Variants in ITGB3BP observed in about 807,000 individuals in gnomAD.
ITGB3BP encodes the protein centromere protein R.
Under a neutral mutation model 29.1 loss-of-function variants are expected in ITGB3BP, and 27 were observed. The ratio of observed to expected loss-of-function variants is 0.93; its 90% confidence interval spans 0.68 to 1.28. The LOEUF is 1.28. Ranked by LOEUF, ITGB3BP falls within the 50% of genes most tolerant of loss-of-function variation. The pLI is 0.00. For synonymous variants in ITGB3BP, 61 were observed against 61.4 expected, an observed-to-expected ratio of 0.99 and a Z score of 0.03; for missense variants, 192 against 200.2, an observed-to-expected ratio of 0.96 and a Z score of 0.25.
rs1290736593 is a variant in ITGB3BP, at chr1:63,454,993, C to A, written c.255-25G>T. On this transcript the variant is annotated intron_variant, in intron 4 of 8. Transcript: ENST00000271002. This position sits in a 1 kb window ranked among gnomAD's most constrained non-coding sequence, Gnocchi z 4.1. Reference sequence around the variant, plus strand: ...TCTAGTAATAAAGAAAAAGACAATACTTAGCAAGGGGAAGCATTTAAACAT... The same window carrying A: ...TCTAGTAATAAAGAAAAAGACAATAATTAGCAAGGGGAAGCATTTAAACAT... 1 of 1,150,560 alleles carries A rather than the reference C, an allele frequency of 8.7e-7. No individual in the cohort carries two copies. Among genetic ancestry groups the A allele is most frequent in the Non-Finnish European group, 1.3e-6 (1 of 763,162 alleles). 71.3% of individuals were successfully genotyped at this position (1,150,560 alleles called of 1,614,324 possible). A position where few individuals can be genotyped will look rare whatever the true frequency, so the allele number is the denominator to read the frequency against.
intron 4 of ITGB3BP, among the ~76,000 whole-genome samples, chr1:63,474,560 C>T (rs1289761041): frequency 6.0e-5 from 9 of 150,424 alleles, no homozygotes; most frequent in African/African-American, 1.9e-4. Flanking sequence ...AAGAAAAATT[C>T]TTCTGCCTTG....
At chr1:63,451,409 A>T (rs1236874560) in intron 7 of ITGB3BP, among the ~76,000 whole-genome samples, 1 of 151,986 alleles carries the variant, frequency 6.6e-6, no homozygotes, top group East Asian at 1.9e-4. Context: ...TCTGTGTAAT[A>T]GCATAATAAA....
At chr1:63,474,490 G>T (rs1240959523) in intron 4 of ITGB3BP, among the ~76,000 whole-genome samples, 1 of 151,230 alleles carries the variant, frequency 6.6e-6, no homozygotes, top group Non-Finnish European at 1.5e-5. Context: ...GAAATCGGAT[G>T]GTTGCCGGGT....
intron 4 of ITGB3BP, among the ~76,000 whole-genome samples, chr1:63,469,991 C>G (rs867888087): frequency 3.9e-5 from 6 of 152,238 alleles, no homozygotes; most frequent in Non-Finnish European, 5.9e-5. Context: ...AAGCCACAAA[C>G]AATAGCATGA....
At chr1:63,505,936 A>G (rs1021448705) in intron 2 of ITGB3BP, among the ~76,000 whole-genome samples, 6 of 152,136 alleles carry the variant, frequency 3.9e-5, no homozygotes, top group African/African-American at 1.4e-4. Flanking sequence ...ACTTCCAACT[A>G]TGTGGTCAAT....
Position 63,446,034 on chromosome 1 carries a change from G to A in ITGB3BP, c.*1+772C>T, listed in dbSNP as rs1231715400. 2.6e-5 allele frequency among the ~76,000 whole-genome samples: 4 copies of A among 152,166 alleles called. No homozygotes were observed. In the East Asian group the frequency reaches 7.7e-4, roughly 29 times the overall value. On this transcript the variant is annotated intron_variant, in intron 8 of 8. Coordinates refer to ENST00000271002, the MANE Select transcript of ITGB3BP (RefSeq NM_014288.5). ...TTCTCCTGCCTCAGCCTCCTGAGTA[G>A]CTGGGATTCAGGCGCAAGCTAGCCG... is the stretch of plus-strand genomic sequence containing the variant.
chr1:63,462,384 T>C (rs2100542194), intron 4 of ITGB3BP, among the ~76,000 whole-genome samples: 1 of 152,360 alleles, frequency 6.6e-6, no homozygotes. Context: ...TCTTGGGATT[T>C]TCTCTATAGA....
chr1:63,492,739 G>GA (rs71052482), intron 2 of ITGB3BP, among the ~76,000 whole-genome samples: 20,331 of 151,636 alleles, frequency 0.13, 1,525 homozygotes, highest in Middle Eastern at 0.25. Flanking sequence ...GATTTGGCTA[G>GA]AAAAAAGCAA....
chr1:63,513,381 C>G (rs142184417), intron 1 of ITGB3BP, among the ~76,000 whole-genome samples: 6 of 152,178 alleles, frequency 3.9e-5, no homozygotes, highest in African/African-American at 1.4e-4. Context: ...CCATTCTTCC[C>G]CTTCACCCTG....
At chr1:63,499,802 A>G (rs1645880057) in intron 2 of ITGB3BP, among the ~76,000 whole-genome samples, 1 of 152,198 alleles carries the variant, frequency 6.6e-6, no homozygotes, top group African/African-American at 2.4e-5. Context: ...TTCATGATAA[A>G]AACACTCAAC....
chr1:63,479,839 C>A (rs1645406872), intron 3 of ITGB3BP, among the ~76,000 whole-genome samples: 1 of 152,098 alleles, frequency 6.6e-6, no homozygotes, highest in Non-Finnish European at 1.5e-5. Flanking sequence ...TTTATCCATT[C>A]ATGTGTTCAT....
intron 2 of ITGB3BP, among the ~76,000 whole-genome samples, chr1:63,490,465 A>G (rs1210569113): frequency 6.6e-6 from 1 of 152,174 alleles, no homozygotes; most frequent in African/African-American, 2.4e-5. Context: ...AAGGGTTACT[A>G]CCTTCTGAGA....
chr1:63,440,797 T>C lies in ITGB3BP; in HGVS notation c.*308A>G, dbSNP rs1644720385. The C allele has an allele frequency of 6.5e-6, 1 of 152,764 alleles. No homozygotes were observed. The highest frequency in any genetic ancestry group is 1.9e-4 in the East Asian group (1 of 5,186). 9.5% of individuals were successfully genotyped at this position (152,764 alleles called of 1,614,324 possible). A position where few individuals can be genotyped will look rare whatever the true frequency, so the allele number is the denominator to read the frequency against. On this transcript the variant is annotated 3_prime_UTR_variant, in exon 9 of 9. Coordinates refer to ENST00000271002, the MANE Select transcript of ITGB3BP (RefSeq NM_014288.5). Reference sequence around the variant, plus strand: ...CCACTTTTATACATGCTTTATTAAGTCTACCCACAAATGCTAAAAGTCCAC... The same window carrying C: ...CCACTTTTATACATGCTTTATTAAGCCTACCCACAAATGCTAAAAGTCCAC...
At chr1:63,515,751 G>A (rs565502746) in intron 1 of ITGB3BP, among the ~76,000 whole-genome samples, 57 of 145,434 alleles carry the variant, frequency 3.9e-4, no homozygotes, top group African/African-American at 1.3e-3. Context: ...ACTTGAACTC[G>A]GGAGGCGGAG....
chr1:63,495,447 A>G (rs565929385), intron 2 of ITGB3BP, among the ~76,000 whole-genome samples: 3 of 152,338 alleles, frequency 2.0e-5, no homozygotes, highest in Non-Finnish European at 4.4e-5. Flanking sequence ...CCGCAGACTT[A>G]ACATTGGAAA....
intron 1 of ITGB3BP, among the ~76,000 whole-genome samples, chr1:63,515,142 C>T (rs757401278): frequency 1.3e-5 from 2 of 152,056 alleles, no homozygotes; most frequent in Non-Finnish European, 2.9e-5. Flanking sequence ...CAGAAACTTT[C>T]CTTTTTACAT....
At chr1:63,514,127 G>T (rs190336779) in intron 1 of ITGB3BP, among the ~76,000 whole-genome samples, 1 of 152,208 alleles carries the variant, frequency 6.6e-6, no homozygotes, top group African/African-American at 2.4e-5. Flanking sequence ...CATATAAATA[G>T]AACTATACAG....
Position 63,468,798 on chromosome 1 carries a change from T to C in ITGB3BP, c.254+9966A>G, listed in dbSNP as rs1328845420. On this transcript the variant is annotated intron_variant, in intron 4 of 8. Transcript: ENST00000271002. ...ATTACTTGAACCCAGGAGGTGGTGG[T>C]TGCAGTGAGCAGAGATCGTGCCATT... is the stretch of plus-strand genomic sequence containing the variant. 5.9e-5 allele frequency among the ~76,000 whole-genome samples: 9 copies of C among 151,962 alleles called. 1 individual carries two copies. In the Middle Eastern group the frequency reaches 0.01, roughly 172 times the overall value.
intron 3 of ITGB3BP, among the ~76,000 whole-genome samples, chr1:63,480,937 G>T (rs1645427661): frequency 6.6e-6 from 1 of 151,978 alleles, no homozygotes; most frequent in Non-Finnish European, 1.5e-5. Context: ...ATGTTTTGTG[G>T]AAAACCACAA....
Sources: allele counts gnomAD v4.1 joint callset (sites outside exome capture counted in the v4.1 genomes callset), GRCh38; gene constraint gnomAD v4.1.1; non-coding constraint Gnocchi (gnomAD v3.1); transcripts MANE v1.5; gene names NCBI Gene and HGNC (gene_info 2026-07-23, HGNC 2026-07-21).